Variants in DPYS observed in about 807,000 individuals in gnomAD.
DPYS encodes dihydropyrimidinase, also known as dihydropyrimidine amidohydrolase.
Under a neutral mutation model 50.3 loss-of-function variants are expected in DPYS, and 39 were observed. The ratio of observed to expected loss-of-function variants is 0.78; its 90% CI spans 0.60 to 1.01. The LOEUF (loss-of-function observed/expected upper bound fraction) is 1.01, where lower values mean the gene tolerates loss of function less well. DPYS is among the 50% of genes least tolerant of loss of function. The probability of loss-of-function intolerance (pLI) is 0.00; values close to 1 mark genes in which losing one functional copy is unlikely to be tolerated. For missense variants in DPYS, 659 were observed against 680.9 expected (o/e 0.97, Z 0.36); for synonymous variants, 245 against 250.7 (o/e 0.98, Z 0.22).
intron 3 of DPYS, among the ~76,000 whole-genome samples, chr8:104,444,886 A>G (rs1464512859): frequency 6.6e-6 from 1 of 152,212 alleles, no homozygotes; most frequent in Non-Finnish European, 1.5e-5. Flanking sequence ...AAGAAGCAGA[A>G]TATATACAAA....
chr8:104,386,238 T>A (rs1046100840), intron 8 of DPYS, among the ~76,000 whole-genome samples: 3 of 152,160 alleles, frequency 2.0e-5, no homozygotes, highest in African/African-American at 7.2e-5. Context: ...TGATAGTAAA[T>A]TTAATCATAT....
intron 7 of DPYS, among the ~76,000 whole-genome samples, chr8:104,410,001 A>G (rs559251518): frequency 2.0e-5 from 3 of 152,090 alleles, no homozygotes; most frequent in Non-Finnish European, 4.4e-5. Context: ...GGTGTTCCTT[A>G]TCTGTCTAAT....
chr8:104,405,829 G>T (rs1811978257), intron 7 of DPYS, among the ~76,000 whole-genome samples: 1 of 152,238 alleles, frequency 6.6e-6, no homozygotes, highest in Non-Finnish European at 1.5e-5. Flanking sequence ...CCATGCTGGA[G>T]GGGGTGGAGG....
rs540344152 is a variant in DPYS, at chr8:104,415,836, G to A, written c.1235+8411C>T. ...TATAATTATAGTATCTTTTGGTCCT[G>A]TCTGAATTAAGTCATTATACAAAGA... On this transcript the variant is annotated intron_variant, in intron 7 of 9. Transcript: ENST00000351513. 4.6e-5 allele frequency among the ~76,000 whole-genome samples: 7 copies of A among 152,198 alleles called. No homozygotes were observed. In the South Asian group the frequency reaches 6.2e-4, roughly 14 times the overall value.
intron 1 of DPYS, among the ~76,000 whole-genome samples, chr8:104,463,998 T>C (rs907366202): frequency 6.6e-6 from 1 of 152,230 alleles, no homozygotes; most frequent in Non-Finnish European, 1.5e-5. Context: ...ACCAACTGAC[T>C]CTGAACTAGA....
At chr8:104,409,441 T>C (rs1291496484) in intron 7 of DPYS, among the ~76,000 whole-genome samples, 1 of 152,002 alleles carries the variant, frequency 6.6e-6, no homozygotes, top group Admixed American at 6.5e-5. Flanking sequence ...GCCAAGATCG[T>C]GCCACTGTAC....
At chr8:104,422,505 T>G (rs1478991312) in intron 7 of DPYS, among the ~76,000 whole-genome samples, 1 of 152,186 alleles carries the variant, frequency 6.6e-6, no homozygotes, top group Non-Finnish European at 1.5e-5. Flanking sequence ...CGTTTTCTCA[T>G]TGTCATAAGG....
At chr8:104,407,928 C>A (rs1358785757) in intron 7 of DPYS, among the ~76,000 whole-genome samples, 1 of 151,880 alleles carries the variant, frequency 6.6e-6, no homozygotes, top group Non-Finnish European at 1.5e-5. Flanking sequence ...ATACACAACC[C>A]TTTTCACTTC....
At chr8:104,423,427 T>C (rs1812613889) in intron 7 of DPYS, among the ~76,000 whole-genome samples, 3 of 152,194 alleles carry the variant, frequency 2.0e-5, no homozygotes, top group South Asian at 2.1e-4. Flanking sequence ...AGCACTTCAA[T>C]TGAAGCTGGG....
chr8:104,391,845 A>G (rs2140518659), intron 8 of DPYS, among the ~76,000 whole-genome samples: 1 of 152,188 alleles, frequency 6.6e-6, no homozygotes, highest in African/African-American at 2.4e-5. Flanking sequence ...CCTGGCCTCA[A>G]GTGATTCTCC....
intron 5 of DPYS, chr8:104,429,247 G>A: frequency 2.6e-6 from 1 of 379,956 alleles, no homozygotes; most frequent in Non-Finnish European, 4.9e-6. Flanking sequence ...CTGATAAAAA[G>A]TAAGGTGTAA....
In DPYS at chr8:104,466,756, G is replaced by C. The variant is rs760562420; in HGVS notation, c.165C>G (p.Ala55=). 6.5e-7 allele frequency: 1 copy of C among 1,535,108 alleles called. No individual in the cohort carries two copies. Among genetic ancestry groups the C allele is most frequent in the Non-Finnish European group, 8.7e-7 (1 of 1,145,806 alleles). Residue 55 remains alanine (A), a synonymous_variant, in exon 1 of 10, where the codon GCC becomes GCG. Coordinates refer to ENST00000351513, the MANE Select transcript of DPYS (RefSeq NM_001385.3). The part of the protein sequence containing the change: ...APAGLRVLDA[A]GKLVLPGGID... Reference sequence around the variant, plus strand: ...TGCCTCCGGGCAGGACGAGCTTGCCGGCGGCGTCGAGGACCCGCAGCCCCG... The same window carrying C: ...TGCCTCCGGGCAGGACGAGCTTGCCCGCGGCGTCGAGGACCCGCAGCCCCG...
At chr8:104,419,141 T>C (rs1812470030) in intron 7 of DPYS, 5 of 842,756 alleles carry the variant, frequency 5.9e-6, no homozygotes, top group South Asian at 5.4e-5. Context: ...CTTAAATTCA[T>C]CTTTATCCAT....
chr8:104,414,311 GT>G (rs1812294710), intron 7 of DPYS, among the ~76,000 whole-genome samples: 1 of 152,162 alleles, frequency 6.6e-6, no homozygotes, highest in South Asian at 2.1e-4. Flanking sequence ...CTAAACCAGT[GT>G]TTCTCAAACT....
At chr8:104,404,310 C>T (rs1811923013) in intron 7 of DPYS, among the ~76,000 whole-genome samples, 1 of 152,036 alleles carries the variant, frequency 6.6e-6, no homozygotes, top group Admixed American at 6.6e-5. Flanking sequence ...TGGAAGTGAC[C>T]TGAGACAATC....
At chr8:104,381,736 T>C (rs1346537725) in intron 8 of DPYS, among the ~76,000 whole-genome samples, 1 of 152,216 alleles carries the variant, frequency 6.6e-6, no homozygotes, top group Non-Finnish European at 1.5e-5. Context: ...TCCACTTTCC[T>C]GTCTCTGTGC....
chr8:104,405,555 C>T (rs1172153661), intron 7 of DPYS, among the ~76,000 whole-genome samples: 2 of 152,184 alleles, frequency 1.3e-5, no homozygotes, highest in Non-Finnish European at 2.9e-5. Context: ...TGAAATAAAG[C>T]ATCTTGGAGG....
intron 7 of DPYS, among the ~76,000 whole-genome samples, chr8:104,406,374 C>T (rs749533995): frequency 2.6e-5 from 4 of 152,158 alleles, no homozygotes; most frequent in African/African-American, 7.2e-5. Context: ...GTGGAAGTGA[C>T]GCAGCAGCCA....
At chr8:104,395,848 C>CA (rs3039791) in intron 7 of DPYS, among the ~76,000 whole-genome samples, 41 of 148,222 alleles carry the variant, frequency 2.8e-4, no homozygotes, top group East Asian at 1.4e-3. Context: ...TATGCTGCAG[C>CA]AAAAAAAAAA....
Sources: gnomAD v4.1 joint callset for allele counts (sites outside exome capture counted in the v4.1 genomes callset) on GRCh38, gnomAD v4.1.1 for gene constraint, MANE v1.5 for transcripts, NCBI Gene and HGNC (gene_info 2026-07-23, HGNC 2026-07-21) for gene names.